The following SEL1L3 variants were observed in gnomAD, a reference collection of about 807,000 sequenced individuals.
SEL1L3 encodes protein sel-1 homolog 3.
In SEL1L3, 76 loss-of-function variants were observed where a neutral mutation model predicts 142.8. That is an observed-to-expected ratio of 0.53 (90% CI 0.44 to 0.64). SEL1L3 has a LOEUF of 0.64. SEL1L3 is among the 30% of genes least tolerant of loss of function. The pLI is 0.00. For synonymous variants in SEL1L3, 504 were observed against 519.6 expected (o/e 0.97, Z 0.41); for missense variants, 1,262 against 1,381.7 (o/e 0.91, Z 1.37).
At chr4:25,861,789 C>A (rs1717724758) in intron 1 of SEL1L3, 1 of 152,086 alleles carries the variant, frequency 6.6e-6, no homozygotes, top group Admixed American at 6.6e-5. Context: ...AAGGGTGTCG[C>A]CTTCTGTAAA....
chr4:25,720,873 G>A, the SEL1L3 span: 17 of 152,236 alleles, frequency 1.1e-4, no homozygotes, highest in Admixed American at 3.3e-4. Flanking sequence ...TGAAACTCCT[G>A]ATGCAAAAAG....
downstream of SEL1L3, among the ~76,000 whole-genome samples, chr4:25,746,507 A>AATATATATATATATATATATATTTAAAT (rs141668402): frequency 7.9e-5 from 8 of 101,562 alleles, no homozygotes; most frequent in African/African-American, 2.5e-4. Flanking sequence ...ATATTATCTA[A>AATATATATATATATATATATATTTAAAT]ATATATATAT....
chr4:25,817,244 C>T (rs1250159235), intron 9 of SEL1L3, among the ~76,000 whole-genome samples: 2 of 152,194 alleles, frequency 1.3e-5, no homozygotes, highest in African/African-American at 4.8e-5. Context: ...CAATGTAAGA[C>T]ACCAATCTTA....
chr4:25,784,728 G>C lies in SEL1L3; in HGVS notation c.2218-438C>G, dbSNP rs1346679984. Among the ~76,000 whole-genome samples, 4 of 152,226 alleles carry C rather than the reference G, an allele frequency of 2.6e-5. No individual in the cohort carries two copies. The East Asian group carries it at 7.7e-4, about 29-fold the overall frequency. On this transcript the variant is annotated intron_variant, in intron 13 of 23. Coordinates refer to ENST00000399878, the MANE Select transcript of SEL1L3 (RefSeq NM_015187.5). ...TCATCAGCCTTGGCTGGGATCTCCA[G>C]GGTGGAACATTGTTGCTTCAGAATC... is the stretch of plus-strand genomic sequence containing the variant.
intron 2 of SEL1L3, among the ~76,000 whole-genome samples, chr4:25,839,009 G>T (rs1203935389): frequency 6.6e-6 from 1 of 152,200 alleles, no homozygotes; most frequent in Admixed American, 6.5e-5. Context: ...AGAAGCTGAA[G>T]ATGGTCTCAA....
At chr4:25,735,486 TATTG>T in the SEL1L3 span, among the ~76,000 whole-genome samples, 68,979 of 151,364 alleles carry the variant, frequency 0.46, 16,350 homozygotes, top group East Asian at 0.67. Context: ...TTCTTGATTT[TATTG>T]ATTATCTTTA....
At chr4:25,800,991 G>C (rs1019203302) in intron 11 of SEL1L3, among the ~76,000 whole-genome samples, 2 of 152,180 alleles carry the variant, frequency 1.3e-5, no homozygotes, top group African/African-American at 4.8e-5. Flanking sequence ...GCCCAATCCA[G>C]GGGCAGAGCT....
intron 23 of SEL1L3, chr4:25,756,871 C>T (rs1258583763): frequency 7.8e-7 from 1 of 1,283,686 alleles, no homozygotes; most frequent in Non-Finnish European, 1.0e-6. Flanking sequence ...CTGCCAGGAG[C>T]TTTGGCGCTG....
At chr4:25,851,064 T>G (rs1716861932) in intron 1 of SEL1L3, among the ~76,000 whole-genome samples, 1 of 152,162 alleles carries the variant, frequency 6.6e-6, no homozygotes, top group South Asian at 2.1e-4. Context: ...TTGGCCAGGC[T>G]GGTCTCGAAC....
At chr4:25,783,400 CAAT>C (rs1482821117) in intron 14 of SEL1L3, among the ~76,000 whole-genome samples, 3 of 152,190 alleles carry the variant, frequency 2.0e-5, no homozygotes, top group African/African-American at 2.4e-5. Flanking sequence ...CAAGAGACAA[CAAT>C]GAGGAAGAAA....
At chr4:25,751,977 C>T (rs1458238142) in intron 23 of SEL1L3, among the ~76,000 whole-genome samples, 11 of 151,542 alleles carry the variant, frequency 7.3e-5, no homozygotes, top group South Asian at 4.2e-4. Context: ...GGTGTGGTGG[C>T]GTGCATCTGT....
At chr4:25,741,108 CT>C in the SEL1L3 span, among the ~76,000 whole-genome samples, 709 of 124,688 alleles carry the variant, frequency 5.7e-3, no homozygotes, top group Middle Eastern at 5.9e-3. Context: ...TGCTTTCTTT[CT>C]TTTTTTTTTT....
intron 1 of SEL1L3, among the ~76,000 whole-genome samples, chr4:25,861,104 T>C (rs1399683664): frequency 6.6e-6 from 1 of 152,168 alleles, no homozygotes; most frequent in Admixed American, 6.5e-5. Context: ...TGTATATGAA[T>C]GTTTCACGCA....
At chr4:25,724,083 T>C in the SEL1L3 span, among the ~76,000 whole-genome samples, 3 of 152,192 alleles carry the variant, frequency 2.0e-5, no homozygotes, top group African/African-American at 4.8e-5. Flanking sequence ...AGTGAAACAG[T>C]TCTTTCAATT....
the SEL1L3 span, among the ~76,000 whole-genome samples, chr4:25,742,225 G>A: frequency 2.0e-5 from 3 of 152,048 alleles, no homozygotes; most frequent in South Asian, 2.1e-4. Context: ...TTGCTCTGTT[G>A]CTCAGGCTGG....
At chr4:25,852,049 C>T (rs558093157) in intron 1 of SEL1L3, among the ~76,000 whole-genome samples, 1 of 152,184 alleles carries the variant, frequency 6.6e-6, no homozygotes, top group East Asian at 1.9e-4. Flanking sequence ...ATGCCACCCC[C>T]CCCAGGAGAG....
chr4:25,775,458 C>A (rs1406943824), intron 17 of SEL1L3, among the ~76,000 whole-genome samples: 2 of 152,162 alleles, frequency 1.3e-5, no homozygotes, highest in Non-Finnish European at 2.9e-5. Flanking sequence ...TGCTGAGTCT[C>A]AGCTAATGTC....
downstream of SEL1L3, among the ~76,000 whole-genome samples, chr4:25,743,892 T>G (rs960590521): frequency 6.6e-6 from 1 of 152,202 alleles, no homozygotes; most frequent in Non-Finnish European, 1.5e-5. Flanking sequence ...CAGGGTTCTA[T>G]TCCAGCCAGC....
At chr4:25,746,158 G>A (rs1303909359), downstream of SEL1L3, among the ~76,000 whole-genome samples, 2 of 152,074 alleles carry the variant, frequency 1.3e-5, no homozygotes, top group African/African-American at 2.4e-5. Flanking sequence ...CCTCATGATA[G>A]TGAGCTCCCA....
Sources: allele counts gnomAD v4.1 joint callset (sites outside exome capture counted in the v4.1 genomes callset), GRCh38; gene constraint gnomAD v4.1.1; transcripts MANE v1.5; gene names NCBI Gene and HGNC (gene_info 2026-07-23, HGNC 2026-07-21).